Variants in MSRB3 observed in about 807,000 individuals in gnomAD.
MSRB3 encodes methionine sulfoxide reductase B3, also known as methionine-R-sulfoxide reductase B3.
Under a neutral mutation model 21.0 loss-of-function variants are expected in MSRB3, and 13 were observed. That is an observed-to-expected ratio of 0.62 (90% confidence interval 0.40 to 0.98). The LOEUF is 0.98. MSRB3 is among the 50% of genes least tolerant of loss of function. The pLI is 0.00. For missense variants in MSRB3, 199 were observed against 230.3 expected (o/e 0.86, Z 0.88); for synonymous variants, 87 against 88.6 (o/e 0.98, Z 0.10).
chr12:65,363,451 C>T (rs987687257), intron 4 of MSRB3, among the ~76,000 whole-genome samples: 2 of 152,092 alleles, frequency 1.3e-5, no homozygotes, highest in Non-Finnish European at 2.9e-5. Context: ...AAATTTGCAA[C>T]TCTATTATCA....
chr12:65,387,943 C>T (rs1477571424), intron 5 of MSRB3, among the ~76,000 whole-genome samples: 2 of 151,704 alleles, frequency 1.3e-5, no homozygotes, highest in African/African-American at 4.8e-5. Context: ...GAAAATTGTT[C>T]TTCACAACAA....
At chr12:65,408,773 T>C (rs1880559199) in intron 5 of MSRB3, among the ~76,000 whole-genome samples, 3 of 152,308 alleles carry the variant, frequency 2.0e-5, no homozygotes, top group African/African-American at 7.2e-5. Flanking sequence ...CAGAGAAGGC[T>C]GGAGTGGGCT....
chr12:65,337,756 A>AT (rs1425577254), intron 4 of MSRB3, among the ~76,000 whole-genome samples: 10 of 152,202 alleles, frequency 6.6e-5, no homozygotes, highest in Non-Finnish European at 1.3e-4. Flanking sequence ...ATTATTGCAT[A>AT]TTTTATAATA....
chr12:65,449,511 A>G (rs1043717478), intron 5 of MSRB3, among the ~76,000 whole-genome samples: 8 of 152,194 alleles, frequency 5.3e-5, no homozygotes, highest in Non-Finnish European at 8.8e-5. Flanking sequence ...ATACACACAC[A>G]AATAAAGACC....
At chr12:65,435,991 A>G (rs1016147807) in intron 5 of MSRB3, among the ~76,000 whole-genome samples, 3 of 151,848 alleles carry the variant, frequency 2.0e-5, no homozygotes, top group Non-Finnish European at 4.4e-5. Flanking sequence ...ATAGTGAAAA[A>G]TGATTATATT....
chr12:65,423,762 T>G lies in MSRB3; in HGVS notation c.293-29966T>G, dbSNP rs569126667. Among the ~76,000 whole-genome samples the G allele has an allele frequency of 2.0e-5, 3 of 152,326 alleles. No homozygotes were observed. In the South Asian group the frequency reaches 6.2e-4, roughly 32 times the overall value. On this transcript the variant is annotated intron_variant, in intron 5 of 6. Coordinates refer to ENST00000308259, the MANE Select transcript of MSRB3 (RefSeq NM_001031679.3). ...TCTAATATTTTGTTTAGAATTTGTA[T>G]ATCTATATTCATCAGGGATATTGGC...
intron 5 of MSRB3, among the ~76,000 whole-genome samples, chr12:65,375,136 C>A (rs186686249): frequency 6.6e-6 from 1 of 152,000 alleles, no homozygotes; most frequent in Admixed American, 6.5e-5. Context: ...TGAGCCACCG[C>A]GCCCGGCCTA....
At chr12:65,392,583 T>C (rs1193504436) in intron 5 of MSRB3, among the ~76,000 whole-genome samples, 2 of 152,204 alleles carry the variant, frequency 1.3e-5, no homozygotes, top group Non-Finnish European at 2.9e-5. Flanking sequence ...CCTTCTTGTT[T>C]GGTTACTGTT....
At chr12:65,327,138 T>C (rs1165096513) in intron 3 of MSRB3, among the ~76,000 whole-genome samples, 1 of 152,248 alleles carries the variant, frequency 6.6e-6, no homozygotes, top group Non-Finnish European at 1.5e-5. Context: ...TAATGAATAC[T>C]GCATATCTGA....
chr12:65,302,159 T>C (rs1008699158), intron 1 of MSRB3, among the ~76,000 whole-genome samples: 2 of 152,158 alleles, frequency 1.3e-5, no homozygotes, highest in African/African-American at 4.8e-5. Flanking sequence ...AATATTGATA[T>C]TTATAATCAT....
intron 5 of MSRB3, among the ~76,000 whole-genome samples, chr12:65,415,005 A>C (rs1309735137): frequency 6.6e-6 from 1 of 152,212 alleles, no homozygotes; most frequent in African/African-American, 2.4e-5. Context: ...TAAGATATAC[A>C]GGTGATATAT....
intron 5 of MSRB3, among the ~76,000 whole-genome samples, chr12:65,394,823 T>C (rs1879688138): frequency 1.3e-5 from 2 of 152,236 alleles, no homozygotes; most frequent in African/African-American, 4.8e-5. Context: ...ATAAAGGTGA[T>C]TGTATCAGTA....
At chr12:65,386,967 C>T (rs1432193111) in intron 5 of MSRB3, among the ~76,000 whole-genome samples, 1 of 151,860 alleles carries the variant, frequency 6.6e-6, no homozygotes, top group Non-Finnish European at 1.5e-5. Flanking sequence ...ATACATGCAC[C>T]TTTAATATAG....
At chr12:65,362,433 G>A (rs948142137) in intron 4 of MSRB3, among the ~76,000 whole-genome samples, 27 of 152,066 alleles carry the variant, frequency 1.8e-4, no homozygotes, top group African/African-American at 5.8e-4. Flanking sequence ...CAACAAATAG[G>A]GTTGCCATGA....
intron 1 of MSRB3, 130 bp downstream of exon 1, chr12:65,278,995 A>G: frequency 1.3e-6 from 2 of 1,486,646 alleles, no homozygotes; most frequent in Non-Finnish European, 1.8e-6. Context: ...ACCTGCGGGG[A>G]CAGCCCCTGC....
intron 5 of MSRB3, among the ~76,000 whole-genome samples, chr12:65,429,746 T>G (rs1881787406): frequency 6.6e-6 from 1 of 152,172 alleles, no homozygotes; most frequent in Non-Finnish European, 1.5e-5. Flanking sequence ...GTCTTATGAG[T>G]AGGCCTTTAA....
At chr12:65,412,909 A>G (rs111931722) in intron 5 of MSRB3, among the ~76,000 whole-genome samples, 6 of 152,028 alleles carry the variant, frequency 3.9e-5, no homozygotes, top group Non-Finnish European at 7.4e-5. Context: ...GTGAGGGGGG[A>G]AGAGCACTTT....
At chr12:65,328,283 T>C (rs1875186113) in intron 3 of MSRB3, among the ~76,000 whole-genome samples, 1 of 152,248 alleles carries the variant, frequency 6.6e-6, no homozygotes, top group Middle Eastern at 3.4e-3. Context: ...TTTCTAAGCA[T>C]TACATAACTA....
At chr12:65,319,161 T>C (rs1412029438) in intron 2 of MSRB3, among the ~76,000 whole-genome samples, 1 of 152,176 alleles carries the variant, frequency 6.6e-6, no homozygotes, top group Non-Finnish European at 1.5e-5. Flanking sequence ...TGCACATTTT[T>C]CCCCTTAATT....
Sources: allele counts gnomAD v4.1 joint callset (sites outside exome capture counted in the v4.1 genomes callset), GRCh38; gene constraint gnomAD v4.1.1; transcripts MANE v1.5; gene names NCBI Gene and HGNC (gene_info 2026-07-23, HGNC 2026-07-21).